Variants in HERC2 observed in about 807,000 individuals in gnomAD.
The protein encoded by HERC2 is HECT and RLD domain containing E3 ubiquitin protein ligase 2, also known as E3 ubiquitin-protein ligase HERC2.
HERC2 carries 102 observed loss-of-function variants against 537.7 expected under a neutral mutation model. The ratio of observed to expected loss-of-function variants is 0.19; its 90% confidence interval spans 0.16 to 0.22. The LOEUF is 0.22. Ranked by LOEUF, HERC2 falls within the 10% of genes least tolerant of loss-of-function variation. HERC2 has a pLI of 1.00. For missense variants in HERC2, 4,236 were observed against 6,198.2 expected, an observed-to-expected ratio of 0.68 and a Z score of 10.63; for synonymous variants, 2,224 against 2,466.2, an observed-to-expected ratio of 0.90 and a Z score of 2.91.
At chr15:28,128,319 CCT>C (rs1316183165) in intron 83 of HERC2, among the ~76,000 whole-genome samples, 1 of 152,170 alleles carries the variant, frequency 6.6e-6, no homozygotes, top group Non-Finnish European at 1.5e-5. Flanking sequence ...GACGAGCCTC[CCT>C]GTTTGTGGGA....
rs1482849753 is a variant in HERC2, at chr15:28,293,026, C to T, written c.188-4G>A. On this transcript the variant is annotated splice_polypyrimidine_tract_variant and splice_region_variant and intron_variant, in intron 3 of 92. Coordinates refer to ENST00000261609, the MANE Select transcript of HERC2 (RefSeq NM_004667.6). The stretch of plus-strand genomic sequence containing the variant: ...CCACTTGGTTCGACACTATCATCTG[C>T]AGAATTAAAAATTTTTTAATCTGTC... The T allele has an allele frequency of 6.3e-7, 1 of 1,599,034 alleles. No homozygotes were observed. Among genetic ancestry groups the T allele is most frequent in the Admixed American group, 1.8e-5 (1 of 55,640 alleles).
rs760878071 is a variant in HERC2 at position 28,272,876 on chromosome 15, G to A, written c.911+18C>T. ...ACAGGCGCTTCCCCAAAGCGTTCCC[G>A]TCTGCGGCAGCCCTCACCTCAGCGT... On this transcript the variant is annotated intron_variant, in intron 8 of 92. Transcript: ENST00000261609. 7.1e-5 allele frequency: 112 copies of A among 1,568,930 alleles called. 1 individual carries two copies. The highest frequency in any genetic ancestry group is 2.0e-4 in the African/African-American group (15 of 74,062).
chr15:28,313,980 C>A (rs979077844), intron 2 of HERC2, among the ~76,000 whole-genome samples: 1 of 152,164 alleles, frequency 6.6e-6, no homozygotes, highest in Non-Finnish European at 1.5e-5. Flanking sequence ...CAAAGGGCCA[C>A]ACACCAGAAA....
rs1901576182 is a variant in HERC2, at chr15:28,229,275, G to A, written c.5192C>T (p.Thr1731Ile). The A allele has an allele frequency of 6.2e-7, 1 of 1,613,674 alleles. No individual in the cohort carries two copies. The highest frequency in any genetic ancestry group is 2.2e-5 in the East Asian group (1 of 44,882). Residue 1731 changes from threonine (T) to isoleucine (I), a missense_variant, in exon 34 of 93, where the codon ACC becomes ATC. By Grantham distance (89) the Thr-to-Ile change is moderately conservative. Around this residue, in one of 27 missense-constraint regions of HERC2, gnomAD observed 343 missense variants for 417.2 expected, o/e 0.82. Transcript: ENST00000261609. ...PPFNRMLLEV[T>I]FGKLYAWAVQ... ...AGCCCAAGCGTACAGCTTGCCAAAGGTGACTTCCAGCAGCATCCGATTAAA... is the reference window on the plus strand; with the variant it reads ...AGCCCAAGCGTACAGCTTGCCAAAGATGACTTCCAGCAGCATCCGATTAAA...
intron 4 of HERC2, among the ~76,000 whole-genome samples, chr15:28,289,925 G>A (rs2076267322): frequency 6.6e-6 from 1 of 152,086 alleles, no homozygotes; most frequent in Non-Finnish European, 1.5e-5. Context: ...ACCTCAGTGA[G>A]AGGATTACAC....
Position 28,113,332 on chromosome 15 carries a change from T to A in HERC2, c.14020-49A>T, listed in dbSNP as rs1026671501. ...CCGCGTGATGCTTCCCACCCTGGCA[T>A]TTCCGCAAGACTCCGTCACGCTCCC... On this transcript the variant is annotated intron_variant, in intron 91 of 92. Transcript: ENST00000261609. This position sits in a 1 kb window ranked among gnomAD's most constrained non-coding sequence, Gnocchi z 7.0. 3 of 1,571,786 alleles carry A rather than the reference T, an allele frequency of 1.9e-6. No homozygotes were observed. The African/African-American group carries it at 4.1e-5, about 21-fold the overall frequency.
intron 85 of HERC2, among the ~76,000 whole-genome samples, chr15:28,121,958 C>A (rs1008293403): frequency 7.6e-6 from 1 of 131,996 alleles, no homozygotes; most frequent in Non-Finnish European, 1.6e-5. Context: ...GACCTTGGAT[C>A]GCCACTGCCT....
At chr15:28,309,284 G>A (rs58686616) in intron 2 of HERC2, among the ~76,000 whole-genome samples, 12,089 of 151,608 alleles carry the variant, frequency 0.08, 988 homozygotes, top group African/African-American at 0.28. Flanking sequence ...CTATTAATGT[G>A]TTAAGGCCTA....
chr15:28,198,904 T>C, intron 48 of HERC2, 135 bp from the exon 49 acceptor site: 1 of 815,202 alleles, frequency 1.2e-6, no homozygotes, highest in Non-Finnish European at 1.9e-6. Flanking sequence ...TCCTAGCACT[T>C]TGGGAGGCTG....
At chr15:28,284,210 C>T (rs1381483655) in intron 4 of HERC2, among the ~76,000 whole-genome samples, 1 of 151,782 alleles carries the variant, frequency 6.6e-6, no homozygotes, top group Admixed American at 6.6e-5. Context: ...CTGTATGTAA[C>T]ATATTACCTA....
chr15:28,275,556 A>G (rs2075849966), intron 5 of HERC2, among the ~76,000 whole-genome samples: 1 of 152,222 alleles, frequency 6.6e-6, no homozygotes, highest in Non-Finnish European at 1.5e-5. Context: ...CTACTTGTGT[A>G]TGTTAATTTC....
intron 12 of HERC2, among the ~76,000 whole-genome samples, chr15:28,267,872 T>C (rs1487554388): frequency 2.0e-5 from 3 of 152,210 alleles, no homozygotes; most frequent in African/African-American, 4.8e-5. Flanking sequence ...TGGGTTGGTG[T>C]GTACATACAT....
intron 21 of HERC2, 69 bp downstream of exon 21, chr15:28,248,483 C>T (rs1390017383): frequency 8.6e-7 from 1 of 1,163,604 alleles, no homozygotes; most frequent in East Asian, 2.4e-5. Context: ...ATAGGATGGA[C>T]ACGTCGAAAA....
At position 28,292,618 on chromosome 15, in the gene HERC2, C is replaced by T. The variant is rs572439706; in HGVS notation, c.322+270G>A. ...ATCCCTTGAAGCCAGGAGTATAAGA[C>T]CAGCCTGGGCAACACAGTGAGATTC... is the stretch of plus-strand genomic sequence containing the variant. On this transcript the variant is annotated intron_variant, in intron 4 of 92. Transcript: ENST00000261609. 5.3e-4 allele frequency among the ~76,000 whole-genome samples: 81 copies of T among 152,270 alleles called. 1 individual carries two copies. Among genetic ancestry groups the T allele is most frequent in the South Asian group, 4.8e-3 (23 of 4,824 alleles).
Position 28,320,747 on chromosome 15 carries a change from GTTA to G in HERC2, c.72+612_72+614del, listed in dbSNP as rs549067620. On this transcript the variant is annotated intron_variant, in intron 2 of 92. Coordinates refer to ENST00000261609, the MANE Select transcript of HERC2 (RefSeq NM_004667.6). ...TAAATAATTGTCTATCGAAATATTA[GTTA>G]TTATTTATTTAATAATGTCCTGACA... Among the ~76,000 whole-genome samples, 310 of 151,798 alleles carry G rather than the reference GTTA, an allele frequency of 2.0e-3. 3 individuals carry two copies. Among genetic ancestry groups the G allele is most frequent in the African/African-American group, 7.1e-3 (292 of 41,092 alleles).
intron 57 of HERC2, among the ~76,000 whole-genome samples, chr15:28,179,509 A>G (rs559879932): frequency 1.3e-5 from 2 of 152,380 alleles, no homozygotes; most frequent in South Asian, 4.1e-4. Context: ...TGCCAGCTAC[A>G]TATCAACAAT....
intron 65 of HERC2, among the ~76,000 whole-genome samples, chr15:28,172,200 C>T (rs1251417125): frequency 6.6e-6 from 1 of 152,140 alleles, no homozygotes; most frequent in Non-Finnish European, 1.5e-5. Flanking sequence ...TGAATCCATC[C>T]TTTCCACATT....
At chr15:28,180,266 C>G (rs1005639974) in intron 57 of HERC2, among the ~76,000 whole-genome samples, 1 of 152,236 alleles carries the variant, frequency 6.6e-6, no homozygotes, top group African/African-American at 2.4e-5. Context: ...CTAGAAGCAA[C>G]AGGCTATACC....
intron 2 of HERC2, among the ~76,000 whole-genome samples, chr15:28,305,755 G>A (rs9707870): frequency 1.4e-5 from 2 of 141,560 alleles, no homozygotes; most frequent in African/African-American, 5.2e-5. Context: ...TACAACATGG[G>A]AGAAAATTTT....
Sources: gnomAD v4.1 joint callset for allele counts (sites outside exome capture counted in the v4.1 genomes callset) on GRCh38, gnomAD v4.1.1 for gene constraint, gnomAD v4.1.1 regional missense constraint, Gnocchi (gnomAD v3.1) non-coding constraint, MANE v1.5 for transcripts, NCBI Gene and HGNC (gene_info 2026-07-23, HGNC 2026-07-21) for gene names.